Variants in CAMKK2 observed in about 807,000 individuals in gnomAD.
CAMKK2 encodes calcium/calmodulin dependent protein kinase kinase 2.
A neutral mutation model predicts 67.2 loss-of-function variants in CAMKK2; 30 were observed. That is an observed-to-expected ratio of 0.45 (90% CI 0.33 to 0.61). CAMKK2 has a LOEUF of 0.61. Ranked by LOEUF, CAMKK2 falls within the 20% of genes least tolerant of loss-of-function variation. CAMKK2 has a pLI of 0.02. For synonymous variants in CAMKK2, 322 were observed against 326.2 expected (o/e 0.99, Z 0.14); for missense variants, 643 against 802.0 (o/e 0.80, Z 2.39).
At chr12:121,278,509 G>T (rs900985710) in intron 1 of CAMKK2, among the ~76,000 whole-genome samples, 2 of 152,196 alleles carry the variant, frequency 1.3e-5, no homozygotes, top group African/African-American at 4.8e-5. Flanking sequence ...TAATTCCCGT[G>T]TGTTGTGGGA....
Position 121,274,605 on chromosome 12 carries a change from C to A in CAMKK2, c.-59-20G>T. 1.1e-6 allele frequency: 1 copy of A among 948,546 alleles called. No individual in the cohort carries two copies. Among genetic ancestry groups the A allele is most frequent in the South Asian group, 1.6e-5 (1 of 61,368 alleles). 58.8% of individuals were successfully genotyped at this position (948,546 alleles called of 1,614,324 possible). The stretch of plus-strand genomic sequence containing the variant: ...AGCCACCTGCAGAAAGAGAAAGGGT[C>A]AGCTGGCCCAGCTCCTACGGGCAGG... On this transcript the variant is annotated intron_variant, in intron 1 of 16. Transcript: ENST00000404169.
intron 8 of CAMKK2, 52 bp downstream of exon 8, chr12:121,255,731 T>C: frequency 1.9e-6 from 3 of 1,610,762 alleles, no homozygotes; most frequent in Non-Finnish European, 2.5e-6. Context: ...CACTCAGCTA[T>C]GCAGCTACAG....
intron 3 of CAMKK2, 98 bp from the exon 4 acceptor site, chr12:121,269,679 C>A: frequency 1.1e-6 from 1 of 880,470 alleles, no homozygotes; most frequent in South Asian, 1.5e-5. Flanking sequence ...GCCCATTGGT[C>A]AAATCTGTCC....
intron 1 of CAMKK2, among the ~76,000 whole-genome samples, chr12:121,278,620 C>T (rs896858011): frequency 3.3e-5 from 5 of 152,162 alleles, no homozygotes; most frequent in East Asian, 1.9e-4. Context: ...CAGGGGGTTC[C>T]GCTTTTGCAT....
chr12:121,272,465 G>A (rs568036444), intron 2 of CAMKK2, among the ~76,000 whole-genome samples: 7 of 152,198 alleles, frequency 4.6e-5, no homozygotes, highest in African/African-American at 1.4e-4. Flanking sequence ...TTTGGCTCAT[G>A]CTGTGAATTC....
At position 121,239,916 on chromosome 12, in the gene CAMKK2, A is replaced by G. The variant is rs1888046282; in HGVS notation, c.*783T>C. On this transcript the variant is annotated 3_prime_UTR_variant, in exon 17 of 17. Transcript: ENST00000404169. The stretch of plus-strand genomic sequence containing the variant: ...TTCACCCTGAAGTTTTCGTAATTTG[A>G]CAAAGAGATTTACCAGAGCTCGGTC... 1 of 155,656 alleles carries G rather than the reference A, an allele frequency of 6.4e-6. No homozygotes were observed. Among genetic ancestry groups the G allele is most frequent in the African/African-American group, 2.4e-5 (1 of 41,456 alleles). The allele number at this position is 155,656 out of a possible 1,614,324, so 9.6% of individuals were successfully genotyped here. A position where few individuals can be genotyped will look rare whatever the true frequency, so the allele number is the denominator to read the frequency against.
At chr12:121,258,653 C>T (rs1209526364) in intron 7 of CAMKK2, among the ~76,000 whole-genome samples, 1 of 152,110 alleles carries the variant, frequency 6.6e-6, no homozygotes, top group Admixed American at 6.6e-5. Flanking sequence ...CCACTGGAAT[C>T]ACATACCCCA....
chr12:121,248,886 G>T, intron 13 of CAMKK2, 152 bp from the exon 14 acceptor site: 1 of 800,102 alleles, frequency 1.2e-6, no homozygotes, highest in Non-Finnish European at 2.0e-6. Flanking sequence ...GCAGGGGTGA[G>T]CAAAGGGGCG....
intron 5 of CAMKK2, among the ~76,000 whole-genome samples, chr12:121,268,110 T>A (rs920094843): frequency 1.6e-5 from 1 of 61,154 alleles, no homozygotes; most frequent in South Asian, 4.3e-4. Context: ...ACTCTATTCA[T>A]ATTACTTTTA....
intron 1 of CAMKK2, among the ~76,000 whole-genome samples, chr12:121,279,934 C>T (rs1175159907): frequency 1.3e-5 from 2 of 152,266 alleles, no homozygotes; most frequent in African/African-American, 2.4e-5. Flanking sequence ...CTACCTCCCG[C>T]GCAGCAAGCT....
At chr12:121,254,313 C>T (rs1891408990) in intron 9 of CAMKK2, among the ~76,000 whole-genome samples, 1 of 151,956 alleles carries the variant, frequency 6.6e-6, no homozygotes, top group South Asian at 2.1e-4. Flanking sequence ...CAAAAATTAG[C>T]CGGGCATGGT....
intron 2 of CAMKK2, among the ~76,000 whole-genome samples, chr12:121,273,592 C>T (rs1189359439): frequency 6.6e-6 from 1 of 152,112 alleles, no homozygotes; most frequent in African/African-American, 2.4e-5. Flanking sequence ...CATTCCATCA[C>T]ACCTTCGCCC....
At position 121,245,039 on chromosome 12, in the gene CAMKK2, C is replaced by A; in HGVS notation, c.1553+101G>T. 1 of 798,172 alleles carries A rather than the reference C, an allele frequency of 1.3e-6. No homozygotes were observed. The highest frequency in any genetic ancestry group is 2.1e-6 in the Non-Finnish European group (1 of 479,658). 49.4% of individuals were successfully genotyped at this position (798,172 alleles called of 1,614,324 possible). A position where few individuals can be genotyped will look rare whatever the true frequency, so the allele number is the denominator to read the frequency against. On this transcript the variant is annotated intron_variant, in intron 15 of 16. Coordinates refer to ENST00000404169, the MANE Select transcript of CAMKK2 (RefSeq NM_001270485.2). The surrounding 1 kb of genome is among the most constrained non-coding windows in gnomAD (Gnocchi z 5.8). ...TTCATCTGAGTCTCTCCAGATGGCA[C>A]CACTTCAGGGAGGACCTGTGCAGAG...
In CAMKK2 at chr12:121,263,111, AGGCACCC is replaced by A. The variant is rs1338322464; in HGVS notation, c.759+688_759+694del. Among the ~76,000 whole-genome samples, 21 of 152,234 alleles carry A rather than the reference AGGCACCC, an allele frequency of 1.4e-4. No individual in the cohort carries two copies. In the East Asian group the frequency reaches 3.9e-3, roughly 28 times the overall value. Reference sequence around the variant, plus strand: ...AGCCTCCTGAAGTGGCTGGGATTACAGGCACCCGCCACCACGCCCAGCTAATTTTTTT... The same window carrying A: ...AGCCTCCTGAAGTGGCTGGGATTACAGCCACCACGCCCAGCTAATTTTTTT... On this transcript the variant is annotated intron_variant, in intron 6 of 16. Coordinates refer to ENST00000404169, the MANE Select transcript of CAMKK2 (RefSeq NM_001270485.2).
intron 5 of CAMKK2, among the ~76,000 whole-genome samples, chr12:121,267,746 G>A (rs1033144966): frequency 6.6e-6 from 1 of 151,614 alleles, no homozygotes; most frequent in Non-Finnish European, 1.5e-5. Context: ...CACTCGCCTC[G>A]GCCTCCCAGA....
intron 1 of CAMKK2, among the ~76,000 whole-genome samples, chr12:121,292,236 C>T (rs1016157247): frequency 1.3e-5 from 2 of 151,682 alleles, no homozygotes; most frequent in Non-Finnish European, 1.5e-5. Flanking sequence ...AGCGATTCTC[C>T]TGTCTCAGTC....
rs534963937 is a variant in CAMKK2 at position 121,284,646 on chromosome 12, G to A, written c.-59-10061C>T. On this transcript the variant is annotated intron_variant, in intron 1 of 16. Coordinates refer to ENST00000404169, the MANE Select transcript of CAMKK2 (RefSeq NM_001270485.2). ...GGCCGGGCTGAGTTTTTCAGGAAGG[G>A]GCCAACAATTACAGGCATAGCCCTG... is the stretch of plus-strand genomic sequence containing the variant. Among the ~76,000 whole-genome samples the A allele has an allele frequency of 5.9e-5, 9 of 152,176 alleles. No homozygotes were observed. The South Asian group carries it at 1.9e-3, about 32-fold the overall frequency.
At chr12:121,296,902 G>C (rs1196789233), upstream of CAMKK2, 1 of 151,624 alleles carries the variant, frequency 6.6e-6, no homozygotes, top group Non-Finnish European at 1.5e-5. This position sits in a 1 kb window ranked among gnomAD's most constrained non-coding sequence, Gnocchi z 7.1. Context: ...CCGCCGGCTC[G>C]GCCCTGCGCC....
intron 3 of CAMKK2, 187 bp from the exon 4 acceptor site, chr12:121,269,768 G>A (rs566930731): frequency 3.4e-6 from 2 of 589,000 alleles, no homozygotes; most frequent in South Asian, 2.1e-5. Flanking sequence ...AAAGATCTGG[G>A]CGGAGCGCAG....
Sources: allele counts gnomAD v4.1 joint callset (sites outside exome capture counted in the v4.1 genomes callset), GRCh38; gene constraint gnomAD v4.1.1; non-coding constraint Gnocchi (gnomAD v3.1); transcripts MANE v1.5; gene names NCBI Gene and HGNC (gene_info 2026-07-23, HGNC 2026-07-21).